NCOA6: variants seen among roughly 807,000 people sequenced by gnomAD.
The protein encoded by NCOA6 is nuclear receptor coactivator 6, also known as NRC RAP250.
Under a neutral mutation model 171.4 loss-of-function variants are expected in NCOA6, and 49 were observed. The observed-to-expected ratio is 0.29, with a 90% CI of 0.23 to 0.36. The LOEUF (loss-of-function observed/expected upper bound fraction) is 0.36, where lower values mean the gene tolerates loss of function less well. NCOA6 is among the 10% of genes least tolerant of loss of function. NCOA6 has a pLI of 1.00. For synonymous variants in NCOA6, 910 were observed against 927.5 expected (o/e 0.98, Z 0.34); for missense variants, 2,248 against 2,554.5 (o/e 0.88, Z 2.59).
chr20:34,724,084 A>G (rs1989680687), intron 14 of NCOA6, among the ~76,000 whole-genome samples: 1 of 152,212 alleles, frequency 6.6e-6, no homozygotes, highest in African/African-American at 2.4e-5. Flanking sequence ...GTACTTCAAT[A>G]TACTGAAAAG....
At chr20:34,731,281 A>G (rs1235205393) in intron 13 of NCOA6, among the ~76,000 whole-genome samples, 2 of 151,562 alleles carry the variant, frequency 1.3e-5, no homozygotes, top group Non-Finnish European at 2.9e-5. Flanking sequence ...CGGCCTCCCA[A>G]AGTGCTGGGA....
In NCOA6 at chr20:34,740,804, C is replaced by T; in HGVS notation, c.5452G>A (p.Gly1818Arg). 1 of 1,614,252 alleles carries T rather than the reference C, an allele frequency of 6.2e-7. No individual in the cohort carries two copies. The highest frequency in any genetic ancestry group is 8.5e-7 in the Non-Finnish European group (1 of 1,180,052). ...ATTTGGCCAATTTTGTCCACTTTTC[C>T]TTTGCCCTTACTAGACGAGACTGGG... ...RSPVSSSKGK[G>R]KVDKIGQILL... The change falls in exon 11 of 15, where the codon GGA becomes AGA. Residue 1818 changes from glycine (G) to arginine (R), a missense_variant. This residue lies in a region of NCOA6 where 884 missense variants were observed against 941.9 expected (regional missense o/e 0.94). Transcript: ENST00000359003.
At chr20:34,760,982 AGG>A (rs1568799160) in intron 5 of NCOA6, among the ~76,000 whole-genome samples, 25 of 152,158 alleles carry the variant, frequency 1.6e-4, no homozygotes, top group Middle Eastern at 3.4e-3. Flanking sequence ...GCACTTTGGG[AGG>A]CTGAGGCAGG....
At chr20:34,747,067 G>A (rs536343320) in intron 9 of NCOA6, 139 bp from the exon 10 acceptor site, 9 of 871,182 alleles carry the variant, frequency 1.0e-5, no homozygotes, top group Non-Finnish European at 1.4e-5. Flanking sequence ...CTCTAGTCTA[G>A]ATAAAATATT....
intron 7 of NCOA6, among the ~76,000 whole-genome samples, chr20:34,756,487 C>A (rs1034592062): frequency 6.6e-6 from 1 of 152,084 alleles, no homozygotes; most frequent in Non-Finnish European, 1.5e-5. Context: ...CTGAAAAGCT[C>A]CAAGCACATT....
Position 34,750,173 on chromosome 20 carries a change from G to A in NCOA6, c.2022C>T (p.Pro674=), listed in dbSNP as rs376892733. 3.7e-6 allele frequency: 6 copies of A among 1,612,150 alleles called. No individual in the cohort carries two copies. The African/African-American group carries it at 8.0e-5, about 22-fold the overall frequency. ...NPPSQNLGPS[P]QRMTPPKQML... ...TCTGCTTGGGTGGGGTCATCCTTTG[G>A]GGCGAGGGCCCAAGATTTTGGCTCG... The change falls in exon 9 of 15, where the codon CCC becomes CCT. Residue 674 remains proline, a synonymous_variant. Transcript: ENST00000359003.
chr20:34,814,069 T>C (rs1167045369), intron 1 of NCOA6, among the ~76,000 whole-genome samples: 1 of 152,030 alleles, frequency 6.6e-6, no homozygotes. Context: ...GGTGGCTCAC[T>C]CCTGTAATCC....
intron 14 of NCOA6, among the ~76,000 whole-genome samples, chr20:34,726,424 G>A (rs1169281270): frequency 1.3e-5 from 2 of 152,138 alleles, no homozygotes; most frequent in African/African-American, 2.4e-5. Flanking sequence ...AAAGATAGTT[G>A]ACCATGGAAA....
At chr20:34,793,885 G>A in intron 1 of NCOA6, among the ~76,000 whole-genome samples, 1 of 151,986 alleles carries the variant, frequency 6.6e-6, no homozygotes, top group East Asian at 1.9e-4. Context: ...GTATAAAAAT[G>A]GACACAGAAT....
intron 7 of NCOA6, 35 bp from the exon 8 acceptor site, chr20:34,754,903 G>A (rs1304277084): frequency 6.2e-7 from 1 of 1,608,644 alleles, no homozygotes. Context: ...CAGTTACCTA[G>A]CAAATTTATA....
chr20:34,776,851 G>A (rs1335922688), intron 3 of NCOA6: 3 of 441,786 alleles, frequency 6.8e-6, no homozygotes, highest in Non-Finnish European at 1.3e-5. Context: ...AATAGAATAG[G>A]CTCATGCCTA....
rs777032910 is a variant in NCOA6, at chr20:34,758,918, T to A, written c.530A>T (p.Asn177Ile). ...MASGPGIIRM[N>I]NPATVMIPPG... ...GGGTATCATAACAGTGGCAGGGTTGTTCATCCTTATTATTCCTAGAAAAAA... is the reference window on the plus strand; with the variant it reads ...GGGTATCATAACAGTGGCAGGGTTGATCATCCTTATTATTCCTAGAAAAAA... Residue 177 changes from asparagine to isoleucine, a missense_variant, in exon 6 of 15, where the codon AAC becomes ATC. Coordinates refer to ENST00000359003, the MANE Select transcript of NCOA6 (RefSeq NM_014071.5). 6.2e-7 allele frequency: 1 copy of A among 1,613,758 alleles called. No individual in the cohort carries two copies. The highest frequency in any genetic ancestry group is 8.5e-7 in the Non-Finnish European group (1 of 1,179,964).
intron 1 of NCOA6, among the ~76,000 whole-genome samples, chr20:34,795,027 G>A (rs2078017236): frequency 6.6e-6 from 1 of 152,166 alleles, no homozygotes; most frequent in South Asian, 2.1e-4. Flanking sequence ...GCAATTTACA[G>A]CCTTTTTAGA....
Position 34,758,839 on chromosome 20 carries a change from C to T in NCOA6, c.609G>A (p.Leu203=). The change falls in exon 6 of 15, where the codon CTG becomes CTA. Residue 203 remains leucine, a synonymous_variant. Transcript: ENST00000359003. ...SMMAPGPNPE[L]QPRTPRPASQ... Reference sequence around the variant, plus strand: ...AAGCAGGGCGAGGAGTCCTGGGCTGCAGCTCTGGATTGGGGCCTGGTGCCA... The same window carrying T: ...AAGCAGGGCGAGGAGTCCTGGGCTGTAGCTCTGGATTGGGGCCTGGTGCCA... 1.2e-6 allele frequency: 2 copies of T among 1,612,920 alleles called. No homozygotes were observed. The highest frequency in any genetic ancestry group is 2.2e-5 in the East Asian group (1 of 44,872).
At chr20:34,787,867 AT>A (rs754273371) in intron 2 of NCOA6, among the ~76,000 whole-genome samples, 297 of 142,038 alleles carry the variant, frequency 2.1e-3, no homozygotes, top group Admixed American at 2.5e-3. Context: ...TTTATACCTA[AT>A]TTTTTTTTTT....
intron 4 of NCOA6, among the ~76,000 whole-genome samples, chr20:34,770,108 C>T (rs1200062741): frequency 6.6e-6 from 1 of 151,484 alleles, no homozygotes; most frequent in Non-Finnish European, 1.5e-5. Flanking sequence ...GGTGCAATCT[C>T]GGCTCACTGC....
chr20:34,768,352 T>TA, intron 5 of NCOA6, 112 bp downstream of exon 5: 4 of 1,354,338 alleles, frequency 3.0e-6, no homozygotes, highest in Non-Finnish European at 4.1e-6. Context: ...ATTCAGCAAA[T>TA]AGAGATGTTA....
At chr20:34,783,708 C>A (rs1038879982) in intron 2 of NCOA6, among the ~76,000 whole-genome samples, 1 of 152,128 alleles carries the variant, frequency 6.6e-6, no homozygotes, top group Non-Finnish European at 1.5e-5. Context: ...CTGCAACCTC[C>A]ACCTCCCAGG....
intron 3 of NCOA6, among the ~76,000 whole-genome samples, chr20:34,777,962 CA>C (rs1367192663): frequency 1.3e-5 from 2 of 152,162 alleles, no homozygotes; most frequent in Non-Finnish European, 2.9e-5. Context: ...GGCTGGAGTG[CA>C]ATGGCATGAT....
Sources: allele counts gnomAD v4.1 joint callset (sites outside exome capture counted in the v4.1 genomes callset), GRCh38; gene constraint gnomAD v4.1.1; regional missense constraint gnomAD v4.1.1; transcripts MANE v1.5; gene names NCBI Gene and HGNC (gene_info 2026-07-23, HGNC 2026-07-21).